The following CYYR1 variants were observed in gnomAD, a reference collection of about 807,000 sequenced individuals.
The protein encoded by CYYR1 is cysteine and tyrosine rich 1, also known as cysteine and tyrosine-rich protein 1.
In CYYR1, 14 loss-of-function variants were observed where a neutral mutation model predicts 15.2. The observed-to-expected ratio is 0.92, with a 90% CI of 0.61 to 1.44. The LOEUF (loss-of-function observed/expected upper bound fraction) is 1.44. Among genes scored for constraint, CYYR1 ranks in the 40% most tolerant of loss-of-function variants. The probability of loss-of-function intolerance (pLI) is 0.00; values close to 1 mark genes in which losing one functional copy is unlikely to be tolerated. For synonymous variants in CYYR1, 80 were observed against 77.4 expected (o/e 1.03, Z -0.18); for missense variants, 228 against 209.5 (o/e 1.09, Z -0.54).
intron 2 of CYYR1, among the ~76,000 whole-genome samples, chr21:26,485,885 A>G (rs914199479): frequency 2.0e-5 from 3 of 152,112 alleles, no homozygotes; most frequent in African/African-American, 7.2e-5. Context: ...CTTCCAAGTT[A>G]TTTACATTCC....
intron 2 of CYYR1, among the ~76,000 whole-genome samples, chr21:26,532,145 C>T (rs757877414): frequency 1.3e-5 from 2 of 152,002 alleles, no homozygotes; most frequent in East Asian, 1.9e-4. Context: ...AGGTGAATAT[C>T]AAAGACATTT....
In CYYR1 at chr21:26,572,818, C is replaced by A. The variant is rs576436644; in HGVS notation, c.73+50G>T. On this transcript the variant is annotated intron_variant, in intron 1 of 3. Coordinates refer to ENST00000652641, the MANE Select transcript of CYYR1 (RefSeq NM_001320768.2). ...ACCCACGTTAGCCCGGACCGTGACC[C>A]AAGGGCAGCCCCGAGCCTCTGACCC... The A allele has an allele frequency of 2.3e-5, 37 of 1,605,560 alleles. No individual in the cohort carries two copies. In the South Asian group the frequency reaches 4.1e-4, roughly 18 times the overall value.
chr21:26,493,080 C>T (rs2065349761), intron 2 of CYYR1, among the ~76,000 whole-genome samples: 1 of 152,028 alleles, frequency 6.6e-6, no homozygotes. Context: ...ATCAAAAGAA[C>T]ACAGAAATGC....
At chr21:26,472,867 A>G (rs1459408248) in intron 3 of CYYR1, among the ~76,000 whole-genome samples, 1 of 152,144 alleles carries the variant, frequency 6.6e-6, no homozygotes, top group African/African-American at 2.4e-5. Flanking sequence ...GTTGATACAT[A>G]ACTATCCTGT....
chr21:26,479,951 T>C (rs1275890550), intron 3 of CYYR1, among the ~76,000 whole-genome samples: 1 of 152,216 alleles, frequency 6.6e-6, no homozygotes, highest in Admixed American at 6.5e-5. Context: ...CATTATACTT[T>C]ATAAATTACT....
At chr21:26,506,226 TC>T (rs1309654481) in intron 2 of CYYR1, among the ~76,000 whole-genome samples, 1 of 152,186 alleles carries the variant, frequency 6.6e-6, no homozygotes, top group African/African-American at 2.4e-5. Context: ...ACTTTAATTC[TC>T]ACCCATTAAT....
intron 3 of CYYR1, chr21:26,477,937 T>G: frequency 3.7e-6 from 5 of 1,352,346 alleles, no homozygotes; most frequent in Non-Finnish European, 4.8e-6. Flanking sequence ...CATGTTACTT[T>G]TGTAGTGAGT....
rs1240998358 is a variant in CYYR1 at position 26,468,725 on chromosome 21, G to T, written c.335-91C>A. 3 of 990,750 alleles carry T rather than the reference G, an allele frequency of 3.0e-6. No individual in the cohort carries two copies. In the East Asian group the frequency reaches 7.3e-5, roughly 24 times the overall value. The allele number at this position is 990,750 out of a possible 1,614,324, so 61.4% of individuals were successfully genotyped here. A position where few individuals can be genotyped will look rare whatever the true frequency, so the allele number is the denominator to read the frequency against. On this transcript the variant is annotated intron_variant, in intron 3 of 3. Transcript: ENST00000652641. ...CCACTGGGCTAGATACTTTGGGAGG[G>T]GACATAAATTGTGGCTGCAAAAATC... is the stretch of plus-strand genomic sequence containing the variant.
intron 2 of CYYR1, among the ~76,000 whole-genome samples, chr21:26,529,331 T>G (rs2065901873): frequency 6.6e-6 from 1 of 152,176 alleles, no homozygotes; most frequent in African/African-American, 2.4e-5. Flanking sequence ...TAATTGCATT[T>G]CTGATAAACT....
intron 2 of CYYR1, among the ~76,000 whole-genome samples, chr21:26,540,393 C>T (rs1255660868): frequency 1.3e-5 from 2 of 152,084 alleles, no homozygotes; most frequent in East Asian, 3.9e-4. Flanking sequence ...CGAACAGAAA[C>T]CCTTGGGGTG....
intron 2 of CYYR1, among the ~76,000 whole-genome samples, chr21:26,549,453 C>T (rs1260130626): frequency 6.6e-6 from 1 of 152,140 alleles, no homozygotes; most frequent in Non-Finnish European, 1.5e-5. Flanking sequence ...TCGGACTGTA[C>T]ATTTCTCTTA....
At chr21:26,479,995 T>C (rs1361031327) in intron 3 of CYYR1, among the ~76,000 whole-genome samples, 1 of 152,194 alleles carries the variant, frequency 6.6e-6, no homozygotes, top group Non-Finnish European at 1.5e-5. Context: ...ACACAGTGGG[T>C]GTGAATTGCT....
At chr21:26,547,465 G>T (rs1446631660) in intron 2 of CYYR1, among the ~76,000 whole-genome samples, 1 of 152,126 alleles carries the variant, frequency 6.6e-6, no homozygotes, top group Non-Finnish European at 1.5e-5. Context: ...GCCATTGTAT[G>T]TTCTTCAAGC....
intron 2 of CYYR1, among the ~76,000 whole-genome samples, chr21:26,550,096 C>T (rs973867410): frequency 6.6e-6 from 1 of 152,188 alleles, no homozygotes; most frequent in African/African-American, 2.4e-5. Flanking sequence ...GTAATTTTCA[C>T]AATATGTCAA....
At chr21:26,491,469 T>C (rs1219009065) in intron 2 of CYYR1, among the ~76,000 whole-genome samples, 1 of 152,200 alleles carries the variant, frequency 6.6e-6, no homozygotes, top group Admixed American at 6.6e-5. Flanking sequence ...TTGAATGCGA[T>C]ATGAAAATTC....
intron 2 of CYYR1, among the ~76,000 whole-genome samples, chr21:26,531,479 A>G (rs1336491674): frequency 6.6e-6 from 1 of 152,136 alleles, no homozygotes; most frequent in Non-Finnish European, 1.5e-5. Flanking sequence ...CCTTGCTGTT[A>G]TCATGATAGA....
intron 3 of CYYR1, chr21:26,478,006 G>A: frequency 6.5e-7 from 1 of 1,538,474 alleles, no homozygotes; most frequent in Non-Finnish European, 8.8e-7. Context: ...GATTAATTCA[G>A]GTCTTTTCAT....
At chr21:26,513,911 T>C in intron 2 of CYYR1, among the ~76,000 whole-genome samples, 1 of 108,474 alleles carries the variant, frequency 9.2e-6, no homozygotes, top group Non-Finnish European at 1.8e-5. Flanking sequence ...CCGGGGACTG[T>C]TGTGGGGTGG....
chr21:26,539,905 T>C (rs1978427292), intron 2 of CYYR1, among the ~76,000 whole-genome samples: 1 of 152,196 alleles, frequency 6.6e-6, no homozygotes, highest in Non-Finnish European at 1.5e-5. Flanking sequence ...TTTAATATGT[T>C]TGGGTTCGCA....
Sources: allele counts gnomAD v4.1 joint callset (sites outside exome capture counted in the v4.1 genomes callset), GRCh38; gene constraint gnomAD v4.1.1; transcripts MANE v1.5; gene names NCBI Gene and HGNC (gene_info 2026-07-23, HGNC 2026-07-21).